The following MYO5A variants were observed in gnomAD, a reference collection of about 807,000 sequenced individuals.
MYO5A encodes the protein unconventional myosin-Va.
Under a neutral mutation model 249.7 loss-of-function variants are expected in MYO5A, and 98 were observed. That is an observed-to-expected ratio of 0.39 (90% CI 0.33 to 0.46). The LOEUF is 0.46. Ranked by LOEUF, MYO5A falls within the 20% of genes least tolerant of loss-of-function variation. The probability of loss-of-function intolerance (pLI) is 0.98; values close to 1 mark genes in which losing one functional copy is unlikely to be tolerated. For missense variants in MYO5A, 1,696 were observed against 2,308.8 expected (o/e 0.73, Z 5.44); for synonymous variants, 778 against 810.6 (o/e 0.96, Z 0.68).
At chr15:52,364,219 A>T (rs2040691708) in intron 24 of MYO5A, among the ~76,000 whole-genome samples, 1 of 151,924 alleles carries the variant, frequency 6.6e-6, no homozygotes, top group South Asian at 2.1e-4. Flanking sequence ...GCCTGGTGAC[A>T]CAGGGAGACT....
intron 39 of MYO5A, among the ~76,000 whole-genome samples, chr15:52,317,953 C>G (rs1175091500): frequency 6.6e-6 from 1 of 152,174 alleles, no homozygotes; most frequent in Non-Finnish European, 1.5e-5. Context: ...ACAGGTGGCT[C>G]CACATTTCCA....
At chr15:52,414,546 A>G (rs373330763) in intron 5 of MYO5A, among the ~76,000 whole-genome samples, 7 of 152,280 alleles carry the variant, frequency 4.6e-5, no homozygotes, top group African/African-American at 1.4e-4. Context: ...TCTAGACTTA[A>G]GTTATCTTCA....
intron 1 of MYO5A, among the ~76,000 whole-genome samples, chr15:52,469,091 A>C (rs899934391): frequency 7.2e-5 from 11 of 152,226 alleles, no homozygotes; most frequent in African/African-American, 2.2e-4. Context: ...TGTAAAAGTG[A>C]AAAATTGGAA....
chr15:52,343,342 A>C (rs2140997300), intron 30 of MYO5A, 145 bp from the exon 31 acceptor site: 1 of 729,500 alleles, frequency 1.4e-6, no homozygotes. Context: ...CATTACCACA[A>C]AAATTATTTT....
intron 39 of MYO5A, 76 bp from the exon 40 acceptor site, chr15:52,317,298 G>A: frequency 2.1e-6 from 3 of 1,404,084 alleles, no homozygotes; most frequent in East Asian, 2.3e-5. Flanking sequence ...TTTGTGTGCG[G>A]CCTTGTCAGG....
intron 34 of MYO5A, among the ~76,000 whole-genome samples, chr15:52,335,514 T>C (rs1383308189): frequency 1.4e-5 from 1 of 73,134 alleles, no homozygotes; most frequent in Non-Finnish European, 2.2e-5. Context: ...AGACTCTGTC[T>C]CCAAAAAAAA....
At chr15:52,416,393 C>T (rs763797657) in intron 4 of MYO5A, 92 bp from the exon 5 acceptor site, 9 of 1,388,990 alleles carry the variant, frequency 6.5e-6, no homozygotes, top group South Asian at 2.5e-5. Context: ...AAGTAGGGGG[C>T]TAATTAATGG....
Position 52,379,691 on chromosome 15 carries a change from C to T in MYO5A, c.2142G>A (p.Met714Ile), listed in dbSNP as rs1190794468. Residue 714 changes from methionine (M) to isoleucine (I), a missense_variant, in exon 18 of 42, where the codon ATG (methionine) becomes ATA (isoleucine). Physicochemically the swap from Met to Ile is conservative, Grantham distance 10. Transcript: ENST00000399233. ...QEFFSRYRVL[M>I]KQKDVLSDRK... ...TGTCACTCAGCACATCTTTCTGCTT[C>T]ATTAGGACACGGTAGCGGCTGAAAA... 1 of 1,614,090 alleles carries T rather than the reference C, an allele frequency of 6.2e-7. No homozygotes were observed. The highest frequency in any genetic ancestry group is 2.2e-5 in the East Asian group (1 of 44,902).
At chr15:52,398,213 T>A (rs1282417648) in intron 9 of MYO5A, among the ~76,000 whole-genome samples, 1 of 152,188 alleles carries the variant, frequency 6.6e-6, no homozygotes, top group African/African-American at 2.4e-5. Context: ...GCAGGTAACT[T>A]GATAGTTATT....
At chr15:52,379,077 CTTA>C (rs1274098645) in intron 18 of MYO5A, among the ~76,000 whole-genome samples, 15 of 152,340 alleles carry the variant, frequency 9.8e-5, no homozygotes, top group African/African-American at 3.6e-4. Context: ...CTTACTCCCT[CTTA>C]TAATAGTCTC....
chr15:52,349,131 C>T (rs146080443), intron 28 of MYO5A, among the ~76,000 whole-genome samples: 62 of 152,090 alleles, frequency 4.1e-4, no homozygotes, highest in African/African-American at 1.4e-3. Context: ...AGAGAATGAC[C>T]CTCCTGTTAT....
chr15:52,513,943 G>T (rs923387351), intron 1 of MYO5A, among the ~76,000 whole-genome samples: 4 of 152,072 alleles, frequency 2.6e-5, no homozygotes, highest in Non-Finnish European at 5.9e-5. Flanking sequence ...AGAGACTAAG[G>T]AAAGTCATCT....
chr15:52,364,034 C>A (rs1208215152), intron 24 of MYO5A, among the ~76,000 whole-genome samples: 1 of 152,058 alleles, frequency 6.6e-6, no homozygotes, highest in Non-Finnish European at 1.5e-5. Flanking sequence ...GTCAAGAGAT[C>A]GAGACCATCC....
chr15:52,388,210 A>C (rs1399840100), intron 13 of MYO5A, among the ~76,000 whole-genome samples: 1 of 152,096 alleles, frequency 6.6e-6, no homozygotes, highest in Non-Finnish European at 1.5e-5. Flanking sequence ...CTGGCCAGAG[A>C]GCTCTTCCAA....
At chr15:52,504,972 G>T (rs987123028) in intron 1 of MYO5A, among the ~76,000 whole-genome samples, 17 of 152,100 alleles carry the variant, frequency 1.1e-4, no homozygotes, top group African/African-American at 4.1e-4. Flanking sequence ...TCCAGAGAAG[G>T]TTATCTCGGG....
chr15:52,513,365 A>G (rs1017076449), intron 1 of MYO5A, among the ~76,000 whole-genome samples: 1 of 149,124 alleles, frequency 6.7e-6, no homozygotes, highest in African/African-American at 2.5e-5. Context: ...CGGGAGGCAG[A>G]GGTTGCAGTG....
chr15:52,389,890 G>A (rs1321375578), intron 12 of MYO5A, among the ~76,000 whole-genome samples: 1 of 152,156 alleles, frequency 6.6e-6, no homozygotes, highest in East Asian at 1.9e-4. Flanking sequence ...GGAGGCGGAT[G>A]TTGCAGTGAG....
At chr15:52,340,096 G>T in intron 32 of MYO5A, 100 bp downstream of exon 32, 4 of 1,242,792 alleles carry the variant, frequency 3.2e-6, no homozygotes, top group East Asian at 2.5e-5. Context: ...ACAGAGGGGT[G>T]AGTTTTTCCC....
chr15:52,400,655 T>C (rs1159721066), intron 9 of MYO5A, among the ~76,000 whole-genome samples: 1 of 152,206 alleles, frequency 6.6e-6, no homozygotes, highest in Non-Finnish European at 1.5e-5. Flanking sequence ...GTCTCTATGA[T>C]GTTACCTCAT....
Sources: allele counts gnomAD v4.1 joint callset (sites outside exome capture counted in the v4.1 genomes callset), GRCh38; gene constraint gnomAD v4.1.1; transcripts MANE v1.5; gene names NCBI Gene and HGNC (gene_info 2026-07-23, HGNC 2026-07-21).